Variants in NOTUM observed in about 807,000 individuals in gnomAD.
NOTUM encodes palmitoleoyl-protein carboxylesterase NOTUM.
A neutral mutation model predicts 65.5 loss-of-function variants in NOTUM; 36 were observed. The ratio of observed to expected loss-of-function variants is 0.55; its 90% CI spans 0.42 to 0.73. The LOEUF (loss-of-function observed/expected upper bound fraction) is 0.73, where lower values mean the gene tolerates loss of function less well. Among genes scored for constraint, NOTUM ranks in the 30% least tolerant of loss-of-function variants. The pLI is 0.00. For missense variants in NOTUM, 659 were observed against 694.2 expected, an observed-to-expected ratio of 0.95 and a Z score of 0.57; for synonymous variants, 356 against 297.9, an observed-to-expected ratio of 1.20 and a Z score of -2.01.
intron 3 of NOTUM, 151 bp from the exon 4 acceptor site, chr17:81,959,146 T>C (rs1250072450): frequency 2.9e-6 from 2 of 690,854 alleles, no homozygotes; most frequent in Non-Finnish European, 5.1e-6. Flanking sequence ...GCCGGGAAAG[T>C]GGAGGACAGT....
At chr17:81,957,725 A>C in intron 6 of NOTUM, 81 bp downstream of exon 6, 1 of 994,290 alleles carries the variant, frequency 1.0e-6, no homozygotes, top group East Asian at 2.6e-5. Context: ...CGCCTCTCAT[A>C]CAACCCCACC....
intron 6 of NOTUM, 53 bp from the exon 7 acceptor site, chr17:81,957,127 C>G (rs1176143697): frequency 1.4e-6 from 2 of 1,477,416 alleles, no homozygotes; most frequent in African/African-American, 2.8e-5. Context: ...GCACTCACCT[C>G]CCCCGAGTCT....
At chr17:81,959,370 C>T (rs1043433245) in intron 3 of NOTUM, 101 bp downstream of exon 3, 2 of 907,534 alleles carry the variant, frequency 2.2e-6, no homozygotes, top group Admixed American at 2.4e-5. Flanking sequence ...CCAGGCTGGG[C>T]ATGATGTGCG....
intron 9 of NOTUM, among the ~76,000 whole-genome samples, chr17:81,954,984 A>G (rs369838211): frequency 2.0e-5 from 3 of 148,790 alleles, no homozygotes; most frequent in African/African-American, 7.5e-5. Context: ...CTCTCTCTCT[A>G]TATATGTATT....
chr17:81,954,187 G>C, intron 10 of NOTUM, 69 bp downstream of exon 10: 2 of 1,151,552 alleles, frequency 1.7e-6, no homozygotes. Context: ...GGCCAAGTGC[G>C]GTTGGGGAGC....
chr17:81,959,749 C>G, intron 1 of NOTUM, 57 bp from the exon 2 acceptor site: 1 of 1,109,608 alleles, frequency 9.0e-7, no homozygotes, highest in Non-Finnish European at 1.2e-6. Context: ...CGCCGCGCCC[C>G]GCGCGCCCAG....
intron 6 of NOTUM, 57 bp from the exon 7 acceptor site, chr17:81,957,131 C>A (rs948426890): frequency 2.1e-6 from 3 of 1,458,404 alleles, no homozygotes; most frequent in Non-Finnish European, 1.9e-6. Flanking sequence ...TCACCTCCCC[C>A]GAGTCTGCTC....
In NOTUM at chr17:81,953,168, G is replaced by C. The variant is rs1432943287; in HGVS notation, c.1284C>G (p.Pro428=). The change falls in exon 11 of 11, where the codon CCC becomes CCG. Residue 428 remains proline (P), a synonymous_variant. Coordinates refer to ENST00000409678, the MANE Select transcript of NOTUM (RefSeq NM_178493.6). ...CCAGGTGGACGGGGCAGCCCTTGAG[G>C]GGGGTCTTGCTGGCCTTGTGGCTGT... is the stretch of plus-strand genomic sequence containing the variant. The part of the protein sequence containing the change: ...LHDSHKASKT[P]LKGCPVHLVD... 6.2e-7 allele frequency: 1 copy of C among 1,613,086 alleles called. No individual in the cohort carries two copies. Among genetic ancestry groups the C allele is most frequent in the East Asian group, 2.2e-5 (1 of 44,896 alleles).
At chr17:81,954,167 G>T in intron 10 of NOTUM, 89 bp downstream of exon 10, 1 of 896,616 alleles carries the variant, frequency 1.1e-6, no homozygotes, top group Non-Finnish European at 1.9e-6. Context: ...CCAAGAAGAG[G>T]CCCATGGGAG....
At chr17:81,958,063 G>A (rs1228170506) in intron 5 of NOTUM, among the ~76,000 whole-genome samples, 155 bp from the exon 6 acceptor site, 3 of 152,162 alleles carry the variant, frequency 2.0e-5, no homozygotes, top group African/African-American at 4.8e-5. Flanking sequence ...GGAGGAAGGC[G>A]GGTGCACCAG....
In NOTUM at chr17:81,960,778, C is replaced by G. The variant is rs1465864140; in HGVS notation, c.132G>C (p.Ala44=). The stretch of plus-strand genomic sequence containing the variant: ...GGAAGCTCTCCACGGGCTGTCCGGC[C>G]GCCGGCGCCGCCTCGGTCCGCGGGG... ...PPPPRTEAAP[A]AGQPVESFPL... is the part of the protein sequence containing the mutation. The change falls in exon 1 of 11, where the codon GCG becomes GCC. Residue 44 remains alanine, a synonymous_variant. Coordinates refer to ENST00000409678, the MANE Select transcript of NOTUM (RefSeq NM_178493.6). The surrounding 1 kb of genome is among the most constrained non-coding windows in gnomAD (Gnocchi z 6.4). 5.1e-6 allele frequency: 8 copies of G among 1,566,578 alleles called. No homozygotes were observed. In the African/African-American group the frequency reaches 1.1e-4, roughly 21 times the overall value.
At chr17:81,959,864 G>A (rs2041460997) in intron 1 of NOTUM, 172 bp from the exon 2 acceptor site, 1 of 242,602 alleles carries the variant, frequency 4.1e-6, no homozygotes, top group African/African-American at 2.3e-5. Flanking sequence ...GCGGTCCCGG[G>A]AGGTGGCGCT....
intron 10 of NOTUM, 134 bp from the exon 11 acceptor site, chr17:81,953,401 T>G: frequency 1.6e-6 from 1 of 622,412 alleles, no homozygotes; most frequent in African/African-American, 1.8e-5. Flanking sequence ...GTTCAAGCGA[T>G]TCTCCTGCCT....
intron 10 of NOTUM, 24 bp downstream of exon 10, chr17:81,954,232 G>A (rs1465993387): frequency 3.8e-6 from 6 of 1,586,104 alleles, no homozygotes; most frequent in Non-Finnish European, 5.2e-6. Flanking sequence ...ATGGACGCAA[G>A]CTGCCCGGAG....
chr17:81,959,230 C>T, intron 3 of NOTUM: 1 of 611,412 alleles, frequency 1.6e-6, no homozygotes, highest in Non-Finnish European at 2.9e-6. Flanking sequence ...CTGACCTTGA[C>T]TTCAACCCCT....
At chr17:81,957,671 C>T (rs754051556) in intron 6 of NOTUM, 135 bp downstream of exon 6, 6 of 657,250 alleles carry the variant, frequency 9.1e-6, no homozygotes, top group Non-Finnish European at 1.6e-5. Flanking sequence ...GCCTCTCACC[C>T]TCCTAGCCAC....
Position 81,960,347 on chromosome 17 carries a change from C to T in NOTUM, c.323+240G>A, listed in dbSNP as rs897936003. Reference sequence around the variant, plus strand: ...CCGGGACCGAAGGACGCCAGCAGAGCGGCTGGGCCCAGAGGCCGAGGGGTC... The same window carrying T: ...CCGGGACCGAAGGACGCCAGCAGAGTGGCTGGGCCCAGAGGCCGAGGGGTC... On this transcript the variant is annotated intron_variant, in intron 1 of 10. Transcript: ENST00000409678. This position sits in a 1 kb window ranked among gnomAD's most constrained non-coding sequence, Gnocchi z 6.4. Among the ~76,000 whole-genome samples, 4 of 152,344 alleles carry T rather than the reference C, an allele frequency of 2.6e-5. No homozygotes were observed. The East Asian group carries it at 7.7e-4, about 29-fold the overall frequency.
At chr17:81,958,517 C>G in intron 4 of NOTUM, 124 bp from the exon 5 acceptor site, 3 of 698,168 alleles carry the variant, frequency 4.3e-6, no homozygotes, top group Non-Finnish European at 7.6e-6. Context: ...GAAGGACCAT[C>G]CCAGGATAGA....
At chr17:81,958,238 G>A (rs576271869) in intron 5 of NOTUM, 97 bp downstream of exon 5, 72 of 825,988 alleles carry the variant, frequency 8.7e-5, no homozygotes, top group East Asian at 2.5e-4. Flanking sequence ...AACCCCTGCC[G>A]TCCCGCCTCA....
Sources: allele counts gnomAD v4.1 joint callset (sites outside exome capture counted in the v4.1 genomes callset), GRCh38; gene constraint gnomAD v4.1.1; non-coding constraint Gnocchi (gnomAD v3.1); transcripts MANE v1.5; gene names NCBI Gene and HGNC (gene_info 2026-07-23, HGNC 2026-07-21).